Variants in ATF6 observed in about 807,000 individuals in gnomAD.
The protein encoded by ATF6 is cyclic AMP-dependent transcription factor ATF-6 alpha.
A neutral mutation model predicts 83.6 loss-of-function variants in ATF6; 53 were observed. The ratio of observed to expected loss-of-function variants is 0.63; its 90% CI spans 0.51 to 0.80. The LOEUF (loss-of-function observed/expected upper bound fraction) is 0.80, where lower values mean the gene tolerates loss of function less well. Among genes scored for constraint, ATF6 ranks in the 30% least tolerant of loss-of-function variants. The probability of loss-of-function intolerance (pLI) is 0.00; values close to 1 mark genes in which losing one functional copy is unlikely to be tolerated. For synonymous variants in ATF6, 288 were observed against 285.8 expected, an observed-to-expected ratio of 1.01 and a Z score of -0.08; for missense variants, 744 against 797.9, an observed-to-expected ratio of 0.93 and a Z score of 0.81.
In ATF6 at chr1:161,959,703, G is replaced by C. The variant is rs1461824447; in HGVS notation, c.*1049G>C. 2 of 147,744 alleles carry C rather than the reference G, an allele frequency of 1.4e-5. No homozygotes were observed. Among genetic ancestry groups the C allele is most frequent in the Non-Finnish European group, 3.0e-5 (2 of 67,208 alleles). 9.2% of individuals were successfully genotyped at this position (147,744 alleles called of 1,614,324 possible). ...AAAAAAAAAAAAAAAAAGATGGAAA[G>C]TTCGATGTGACTGCAGTATGAGATT... On this transcript the variant is annotated 3_prime_UTR_variant, in exon 16 of 16. Coordinates refer to ENST00000367942, the MANE Select transcript of ATF6 (RefSeq NM_007348.4).
In ATF6 at chr1:161,958,868, GTTTC is replaced by G; in HGVS notation, c.*217_*220del. On this transcript the variant is annotated 3_prime_UTR_variant, in exon 16 of 16. Transcript: ENST00000367942. Reference sequence around the variant, plus strand: ...TGGAATTCAGATGCAAGAGAACAATGTTTCTTCAGTGGCAAATGTAGCCCTGCAT... The same window carrying G: ...TGGAATTCAGATGCAAGAGAACAATGTTCAGTGGCAAATGTAGCCCTGCAT... The G allele has an allele frequency of 4.3e-6, 2 of 465,192 alleles. No homozygotes were observed. Among genetic ancestry groups the G allele is most frequent in the Non-Finnish European group, 7.6e-6 (2 of 264,518 alleles). The allele number at this position is 465,192 out of a possible 1,614,324, so 28.8% of individuals were successfully genotyped here. A position where few individuals can be genotyped will look rare whatever the true frequency, so the allele number is the denominator to read the frequency against.
intron 15 of ATF6, among the ~76,000 whole-genome samples, chr1:161,934,463 A>G (rs1688500283): frequency 6.6e-6 from 1 of 152,128 alleles, no homozygotes; most frequent in Non-Finnish European, 1.5e-5. Context: ...CCAATCCTAG[A>G]TGTTTCCTAG....
chr1:161,880,657 T>C (rs939569332), intron 14 of ATF6, among the ~76,000 whole-genome samples: 2 of 152,144 alleles, frequency 1.3e-5, no homozygotes, highest in African/African-American at 4.8e-5. Flanking sequence ...AATTTACTAA[T>C]ATATTCACCT....
intron 12 of ATF6, among the ~76,000 whole-genome samples, chr1:161,857,569 T>C (rs1686791545): frequency 1.3e-5 from 2 of 152,172 alleles, no homozygotes; most frequent in South Asian, 4.1e-4. Flanking sequence ...GCTAAAGATA[T>C]TTTTTAAAAG....
chr1:161,867,875 A>G (rs1051095906), intron 14 of ATF6, among the ~76,000 whole-genome samples: 1 of 152,226 alleles, frequency 6.6e-6, no homozygotes, highest in African/African-American at 2.4e-5. Context: ...TATTTTATAT[A>G]TTCTAGCAAT....
intron 14 of ATF6, among the ~76,000 whole-genome samples, chr1:161,892,687 A>G (rs1192802752): frequency 1.5e-5 from 2 of 131,432 alleles, no homozygotes; most frequent in African/African-American, 6.0e-5. Flanking sequence ...TGGAGTGTGG[A>G]GTGCAGTGGC....
intron 10 of ATF6, among the ~76,000 whole-genome samples, chr1:161,851,470 C>T (rs1686630742): frequency 6.6e-6 from 1 of 152,110 alleles, no homozygotes; most frequent in Admixed American, 6.6e-5. Context: ...GTTATTGTAT[C>T]GCTTATTCCA....
intron 9 of ATF6, among the ~76,000 whole-genome samples, chr1:161,842,572 A>G (rs1686382712): frequency 6.6e-6 from 1 of 152,160 alleles, no homozygotes; most frequent in Non-Finnish European, 1.5e-5. Context: ...AGCAACCTGG[A>G]TGGGATTGGA....
intron 15 of ATF6, among the ~76,000 whole-genome samples, chr1:161,940,235 T>G (rs1409277087): frequency 5.3e-5 from 8 of 152,174 alleles, no homozygotes; most frequent in African/African-American, 1.9e-4. Flanking sequence ...ATCCAACCAC[T>G]TCTCATCAGA....
chr1:161,913,151 T>C (rs1380976000), intron 15 of ATF6, among the ~76,000 whole-genome samples: 1 of 152,194 alleles, frequency 6.6e-6, no homozygotes, highest in Non-Finnish European at 1.5e-5. Flanking sequence ...ACACATTATA[T>C]TGAAAATCGG....
chr1:161,769,879 C>T (rs757452256), intron 1 of ATF6, among the ~76,000 whole-genome samples: 5 of 152,126 alleles, frequency 3.3e-5, no homozygotes, highest in Non-Finnish European at 5.9e-5. Flanking sequence ...TGGGGAGTGG[C>T]TGTAAATACA....
chr1:161,911,860 A>G (rs910996976), intron 14 of ATF6, among the ~76,000 whole-genome samples: 2 of 152,152 alleles, frequency 1.3e-5, no homozygotes, highest in Admixed American at 6.5e-5. Flanking sequence ...TAGGGGAGAT[A>G]CTCTCAGTAT....
intron 14 of ATF6, among the ~76,000 whole-genome samples, chr1:161,864,156 G>A (rs1020466766): frequency 4.6e-5 from 7 of 151,896 alleles, no homozygotes; most frequent in Admixed American, 3.3e-4. Flanking sequence ...AAGTGATACT[G>A]AGTAGCTGGC....
Position 161,912,309 on chromosome 1 carries a change from T to TACC in ATF6, c.1735_1737dup (p.Pro579dup). ...TGTTAATTTTAGGATCACCTGCTGT[T>TACC]ACCAGCTACCACCCATAACAAGACC... On this transcript the variant is annotated inframe_insertion, in exon 15 of 16. Transcript: ENST00000367942. 6.2e-7 allele frequency: 1 copy of TACC among 1,606,274 alleles called. No individual in the cohort carries two copies. The highest frequency in any genetic ancestry group is 1.3e-5 in the African/African-American group (1 of 74,566).
intron 14 of ATF6, among the ~76,000 whole-genome samples, chr1:161,911,793 AT>A (rs1260215413): frequency 3.3e-5 from 5 of 152,220 alleles, no homozygotes; most frequent in African/African-American, 1.2e-4. Flanking sequence ...TGGGATAAGA[AT>A]TTTGATGGGA....
At chr1:161,803,711 C>T (rs1011792604) in intron 7 of ATF6, among the ~76,000 whole-genome samples, 2 of 151,988 alleles carry the variant, frequency 1.3e-5, no homozygotes, top group African/African-American at 4.8e-5. Flanking sequence ...AACAAAAATC[C>T]AAAAGCTTTC....
intron 14 of ATF6, among the ~76,000 whole-genome samples, chr1:161,905,565 C>T (rs1687863386): frequency 6.6e-6 from 1 of 152,168 alleles, no homozygotes; most frequent in Non-Finnish European, 1.5e-5. Context: ...TAAAATGAAA[C>T]ATCTTGTAAA....
intron 7 of ATF6, among the ~76,000 whole-genome samples, chr1:161,819,302 A>G (rs1199166188): frequency 6.6e-6 from 1 of 152,182 alleles, no homozygotes; most frequent in East Asian, 1.9e-4. Flanking sequence ...AGGGCCAGAG[A>G]TACAGATTTA....
chr1:161,882,931 C>G (rs1687348744), intron 14 of ATF6, among the ~76,000 whole-genome samples: 1 of 151,692 alleles, frequency 6.6e-6, no homozygotes, highest in African/African-American at 2.4e-5. Flanking sequence ...GGGGATTGAC[C>G]TTGGAAGCAT....
Sources: gnomAD v4.1 joint callset for allele counts (sites outside exome capture counted in the v4.1 genomes callset) on GRCh38, gnomAD v4.1.1 for gene constraint, MANE v1.5 for transcripts, NCBI Gene and HGNC (gene_info 2026-07-23, HGNC 2026-07-21) for gene names.